The following RASGRP4 variants were observed in gnomAD, a reference collection of about 807,000 sequenced individuals.
RASGRP4 encodes the protein RAS guanyl releasing protein 4.
RASGRP4 carries 52 observed loss-of-function variants against 84.4 expected under a neutral mutation model. The observed-to-expected ratio is 0.62, with a 90% CI of 0.49 to 0.78. The LOEUF (loss-of-function observed/expected upper bound fraction) is 0.78. Among genes scored for constraint, RASGRP4 ranks in the 30% least tolerant of loss-of-function variants. The probability of loss-of-function intolerance (pLI) is 0.00; values close to 1 mark genes in which losing one functional copy is unlikely to be tolerated. For missense variants in RASGRP4, 760 were observed against 886.9 expected (o/e 0.86, Z 1.82); for synonymous variants, 356 against 359.1 (o/e 0.99, Z 0.10).
At chr19:38,424,618 G>GGT (rs1568417386) in intron 1 of RASGRP4, among the ~76,000 whole-genome samples, 1 of 120,308 alleles carries the variant, frequency 8.3e-6, no homozygotes, top group Non-Finnish European at 1.7e-5. Context: ...TGTGTCAATG[G>GGT]GGGGGGGGGT....
Position 38,409,123 on chromosome 19 carries a change from G to T in RASGRP4, c.*917C>A, listed in dbSNP as rs1971108585. The T allele has an allele frequency of 7.5e-5, 23 of 307,104 alleles. No individual in the cohort carries two copies. Among genetic ancestry groups the T allele is most frequent in the Non-Finnish European group, 8.7e-5 (15 of 172,340 alleles). The allele number at this position is 307,104 out of a possible 1,614,324, so 19.0% of individuals were successfully genotyped here. On this transcript the variant is annotated 3_prime_UTR_variant, in exon 17 of 17. Transcript: ENST00000615439. ...TCTCTGTGGGGGCCAAGTCAGGGGT[G>T]TTGGGGTTTGTGAAGGGGTTGGGGG...
At chr19:38,423,418 C>A (rs1029980198) in intron 1 of RASGRP4, among the ~76,000 whole-genome samples, 2 of 151,874 alleles carry the variant, frequency 1.3e-5, no homozygotes, top group African/African-American at 2.4e-5. Flanking sequence ...CCCAGCTACT[C>A]AGGAGGCTGA....
chr19:38,420,995 T>C (rs1568414541), intron 3 of RASGRP4, 25 bp from the exon 4 acceptor site: 3 of 1,613,448 alleles, frequency 1.9e-6, no homozygotes, highest in Middle Eastern at 1.6e-4. Flanking sequence ...AGGCTCTGTT[T>C]TCCAGGATCC....
In RASGRP4 at chr19:38,409,904, G is replaced by A. The variant is rs530450268; in HGVS notation, c.*136C>T. 19 of 605,102 alleles carry A rather than the reference G, an allele frequency of 3.1e-5. No individual in the cohort carries two copies. In the East Asian group the frequency reaches 3.9e-4, roughly 12 times the overall value. The allele number at this position is 605,102 out of a possible 1,614,324, so 37.5% of individuals were successfully genotyped here. On this transcript the variant is annotated 3_prime_UTR_variant, in exon 17 of 17. Coordinates refer to ENST00000615439, the MANE Select transcript of RASGRP4 (RefSeq NM_170604.3). ...ACTTCCAGGGAAAAAGATGACGGAC[G>A]TACCACTAAAGGCAGTGTGGATGGG...
rs182892389 is a variant in RASGRP4 at position 38,418,538 on chromosome 19, C to T, written c.690G>A (p.Leu230=). ...CCGGGCAGCCTCGTACTGAGCCCTG[C>T]AAAACGTAGCTCCGCAGGTCCTGGG... ...ITPQDLRSYV[L]QGSVRGCPAL... is the part of the protein sequence containing the mutation. The change falls in exon 7 of 17, where the codon TTG becomes TTA. Residue 230 remains leucine, a synonymous_variant. Transcript: ENST00000615439. The surrounding 1 kb of genome is among the most constrained non-coding windows in gnomAD (Gnocchi z 4.6). 19 of 1,540,348 alleles carry T rather than the reference C, an allele frequency of 1.2e-5. No individual in the cohort carries two copies. In the Admixed American group the frequency reaches 3.2e-4, roughly 26 times the overall value.
chr19:38,419,248 G>A (rs1762566945), intron 6 of RASGRP4, among the ~76,000 whole-genome samples: 1 of 152,152 alleles, frequency 6.6e-6, no homozygotes, highest in Non-Finnish European at 1.5e-5. Context: ...GGTTCAAGCA[G>A]ATAGCATTTA....
In RASGRP4 at chr19:38,409,807, C is replaced by T. The variant is rs965751307; in HGVS notation, c.*233G>A. 1.1e-5 allele frequency: 5 copies of T among 455,300 alleles called. No homozygotes were observed. Among genetic ancestry groups the T allele is most frequent in the Non-Finnish European group, 2.0e-5 (5 of 254,150 alleles). The allele number at this position is 455,300 out of a possible 1,614,324, so 28.2% of individuals were successfully genotyped here. Reference sequence around the variant, plus strand: ...CCTGAGTCTAAATGTATCCAACACACAGCCGCACAGATACTAAGTGCAGGG... The same window carrying T: ...CCTGAGTCTAAATGTATCCAACACATAGCCGCACAGATACTAAGTGCAGGG... On this transcript the variant is annotated 3_prime_UTR_variant, in exon 17 of 17. Transcript: ENST00000615439.
Position 38,411,353 on chromosome 19 carries a change from C to T in RASGRP4, c.1709G>A (p.Arg570His), listed in dbSNP as rs764664951. The part of the protein sequence containing the change: ...FLWGVTKQGY[R>H]CRECGLCCHK... ...ACTGACACCCCACTCACCCCGACAGCGGTAGCCTTGCTTGGTGACACCCCA... is the reference window on the plus strand; with the variant it reads ...ACTGACACCCCACTCACCCCGACAGTGGTAGCCTTGCTTGGTGACACCCCA... The change falls in exon 14 of 17, where the codon CGC becomes CAC. Residue 570 changes from arginine (R) to histidine (H), a missense_variant. By Grantham distance (29) the Arg-to-His change is conservative (BLOSUM62 0). Coordinates refer to ENST00000615439, the MANE Select transcript of RASGRP4 (RefSeq NM_170604.3). The T allele has an allele frequency of 7.3e-5, 117 of 1,597,348 alleles. No homozygotes were observed. The highest frequency in any genetic ancestry group is 1.5e-4 in the African/African-American group (11 of 74,490).
Position 38,419,848 on chromosome 19 carries a change from G to T in RASGRP4, c.663+12C>A. The T allele has an allele frequency of 6.3e-7, 1 of 1,578,686 alleles. No homozygotes were observed. Reference sequence around the variant, plus strand: ...TCCCCTGCTTGGGACGGGGATGGGAGGGGGTCCTCACCGTGATAGCCTGGA... The same window carrying T: ...TCCCCTGCTTGGGACGGGGATGGGATGGGGTCCTCACCGTGATAGCCTGGA... On this transcript the variant is annotated intron_variant, in intron 6 of 16. Transcript: ENST00000615439.
In RASGRP4 at chr19:38,413,492, G is replaced by A. The variant is rs1446397348; in HGVS notation, c.1231-18C>T. Reference sequence around the variant, plus strand: ...AGGGAGAGCTGGAGCAGACAGGGGTGTTACGGATCCTCCCATCTATAGCCC... The same window carrying A: ...AGGGAGAGCTGGAGCAGACAGGGGTATTACGGATCCTCCCATCTATAGCCC... On this transcript the variant is annotated intron_variant, in intron 9 of 16. Transcript: ENST00000615439. This position sits in a 1 kb window ranked among gnomAD's most constrained non-coding sequence, Gnocchi z 4.7. The A allele has an allele frequency of 6.4e-7, 1 of 1,574,768 alleles. No individual in the cohort carries two copies. The highest frequency in any genetic ancestry group is 8.6e-7 in the Non-Finnish European group (1 of 1,158,664).
Position 38,412,709 on chromosome 19 carries a change from A to C in RASGRP4, c.1643T>G (p.Phe548Cys). The C allele has an allele frequency of 6.2e-7, 1 of 1,613,246 alleles. No homozygotes were observed. Among genetic ancestry groups the C allele is most frequent in the Non-Finnish European group, 8.5e-7 (1 of 1,179,628 alleles). The change falls in exon 13 of 17, where the codon TTC becomes TGC. Residue 548 changes from phenylalanine to cysteine, a missense_variant. Physicochemically the swap from Phe to Cys is radical, Grantham distance 205. Transcript: ENST00000615439. This position sits in a 1 kb window ranked among gnomAD's most constrained non-coding sequence, Gnocchi z 4.6. ...AFLHTFHEVT[F>C]RKPTFCDSCS... Reference sequence around the variant, plus strand: ...GCTGTCGCAGAAGGTAGGCTTTCGGAAGGTGACCTCATGGAAGGTGTGCAG... The same window carrying C: ...GCTGTCGCAGAAGGTAGGCTTTCGGCAGGTGACCTCATGGAAGGTGTGCAG...
In RASGRP4 at chr19:38,410,888, T is replaced by C. The variant is rs2145190893; in HGVS notation, c.1963A>G (p.Thr655Ala). The change falls in exon 16 of 17, where the codon ACG becomes GCG. Residue 655 changes from threonine (T) to alanine (A), a missense_variant and splice_region_variant. Thr to Ala is a moderately conservative substitution (Grantham distance 58). Transcript: ENST00000615439. Reference sequence around the variant, plus strand: ...GGGTAGGGGCGGTTTCTCCTCACCGTATCTGTTTCCCAGGAAGGGTGTGGG... The same window carrying C: ...GGGTAGGGGCGGTTTCTCCTCACCGCATCTGTTTCCCAGGAAGGGTGTGGG... ...ESPHPSWETD[T>A]VPCPVMDPPS... is the part of the protein sequence containing the mutation. The C allele has an allele frequency of 6.3e-7, 1 of 1,590,934 alleles. No homozygotes were observed. Among genetic ancestry groups the C allele is most frequent in the Non-Finnish European group, 8.6e-7 (1 of 1,168,494 alleles).
In RASGRP4 at chr19:38,417,195, C is replaced by G; in HGVS notation, c.838-27G>C. 6.8e-7 allele frequency: 1 copy of G among 1,465,582 alleles called. No individual in the cohort carries two copies. Among genetic ancestry groups the G allele is most frequent in the East Asian group, 2.5e-5 (1 of 40,518 alleles). The allele number at this position is 1,465,582 out of a possible 1,614,324, so 90.8% of individuals were successfully genotyped here. On this transcript the variant is annotated intron_variant, in intron 7 of 16. Coordinates refer to ENST00000615439, the MANE Select transcript of RASGRP4 (RefSeq NM_170604.3). The surrounding 1 kb of genome is among the most constrained non-coding windows in gnomAD (Gnocchi z 5.1). ...TAGGAAGAGAAGCATGCACACAGGG[C>G]CGTCACGGGAGGGAGGGCAAGTCAG...
At position 38,420,959 on chromosome 19, in the gene RASGRP4, G is replaced by A. The variant is rs368774668; in HGVS notation, c.326C>T (p.Ala109Val). The part of the protein sequence containing the change: ...AARLLTSYQK[A>V]TGDTQELRRL... ...TCTCAGCTCCTGGGTGTCCCCTGTG[G>A]CCTTCTGGTATTTGAGTTCTGGTCA... Residue 109 changes from alanine to valine, a missense_variant, in exon 4 of 17, where the codon GCC (alanine) becomes GTC (valine). Coordinates refer to ENST00000615439, the MANE Select transcript of RASGRP4 (RefSeq NM_170604.3). The A allele has an allele frequency of 4.3e-6, 7 of 1,613,808 alleles. No individual in the cohort carries two copies. Among genetic ancestry groups the A allele is most frequent in the Non-Finnish European group, 5.9e-6 (7 of 1,179,874 alleles).
At chr19:38,415,749 A>G (rs910174670) in intron 8 of RASGRP4, among the ~76,000 whole-genome samples, 2 of 151,766 alleles carry the variant, frequency 1.3e-5, no homozygotes, top group African/African-American at 4.8e-5. Flanking sequence ...ATCACAGCTC[A>G]TTGCAGCCTT....
Position 38,411,120 on chromosome 19 carries a change from C to A in RASGRP4, c.1847G>T (p.Ser616Ile). ...PVPSTPAPHA[S>I]CGSEENHSYT... ...CGGTGTGCTCTAGGTCTTACCACAG[C>A]TGGCATGGGGAGCTGGTGTGGATGG... The change falls in exon 15 of 17, where the codon AGC (serine) becomes ATC (isoleucine). Residue 616 changes from serine (S) to isoleucine (I), a missense_variant. Transcript: ENST00000615439. 6.2e-7 allele frequency: 1 copy of A among 1,613,462 alleles called. No homozygotes were observed.
At chr19:38,425,993 G>A (rs1291563616) in intron 1 of RASGRP4, 76 bp downstream of exon 1, 11 of 1,234,304 alleles carry the variant, frequency 8.9e-6, no homozygotes, top group East Asian at 6.2e-5. Flanking sequence ...CCACCCTGGC[G>A]AGTGATCTCC....
intron 1 of RASGRP4, among the ~76,000 whole-genome samples, chr19:38,423,114 T>A (rs921632824): frequency 1.3e-5 from 2 of 151,998 alleles, no homozygotes; most frequent in Non-Finnish European, 2.9e-5. Context: ...ACCCCTGGAA[T>A]CTCTTCTGTC....
At position 38,415,060 on chromosome 19, in the gene RASGRP4, AG is replaced by A; in HGVS notation, c.1017del (p.Trp340GlyfsTer40). On this transcript the variant is annotated frameshift_variant, in exon 9 of 17. Transcript: ENST00000615439. LOFTEE classifies it high-confidence loss of function. ...SHNNYARYRR[T>X]WAGCAGFRLP... Reference sequence around the variant, plus strand: ...AGCCGGAAACCCGCGCAGCCAGCCCAGGTGCGGCGGTAGCGGGCGTAGTTGT... The same window carrying A: ...AGCCGGAAACCCGCGCAGCCAGCCCAGTGCGGCGGTAGCGGGCGTAGTTGT... 6.2e-7 allele frequency: 1 copy of A among 1,605,550 alleles called. No individual in the cohort carries two copies. The highest frequency in any genetic ancestry group is 8.5e-7 in the Non-Finnish European group (1 of 1,176,434).
Sources: allele counts gnomAD v4.1 joint callset (sites outside exome capture counted in the v4.1 genomes callset), GRCh38; gene constraint gnomAD v4.1.1; non-coding constraint Gnocchi (gnomAD v3.1); transcripts MANE v1.5; gene names NCBI Gene and HGNC (gene_info 2026-07-23, HGNC 2026-07-21).